Variants in DLG2 observed in about 807,000 individuals in gnomAD.
DLG2 encodes discs large MAGUK scaffold protein 2, also known as disks large homolog 2.
A neutral mutation model predicts 132.5 loss-of-function variants in DLG2; 45 were observed. The observed-to-expected ratio is 0.34, with a 90% CI of 0.27 to 0.44. The LOEUF (loss-of-function observed/expected upper bound fraction) is 0.44. Among genes scored for constraint, DLG2 ranks in the 20% least tolerant of loss-of-function variants. The pLI, the probability that DLG2 is intolerant of heterozygous loss-of-function variation, is 1.00. For missense variants in DLG2, 1,045 were observed against 1,196.9 expected (o/e 0.87, Z 1.87); for synonymous variants, 424 against 419.6 (o/e 1.01, Z -0.13).
intron 4 of DLG2, among the ~76,000 whole-genome samples, chr11:85,208,772 C>A (rs1224836751): frequency 6.6e-6 from 1 of 152,050 alleles, no homozygotes; most frequent in East Asian, 1.9e-4. Flanking sequence ...CCAGGGAGTC[C>A]TTAGTAAGAG....
chr11:85,360,565 C>G (rs1183638187), intron 3 of DLG2, among the ~76,000 whole-genome samples: 1 of 152,178 alleles, frequency 6.6e-6, no homozygotes, highest in Admixed American at 6.5e-5. Context: ...CACCTCTTCA[C>G]TGGAGAATGC....
intron 6 of DLG2, among the ~76,000 whole-genome samples, chr11:84,921,459 T>C (rs761535778): frequency 2.6e-5 from 4 of 152,180 alleles, no homozygotes; most frequent in South Asian, 2.1e-4. Flanking sequence ...AGTTAAGATA[T>C]TGTTAGTGAA....
At chr11:84,981,925 G>T (rs570155754) in intron 6 of DLG2, among the ~76,000 whole-genome samples, 2 of 152,184 alleles carry the variant, frequency 1.3e-5, no homozygotes, top group African/African-American at 2.4e-5. Context: ...CCAATGAAAG[G>T]TTTAGTCCTC....
intron 7 of DLG2, among the ~76,000 whole-genome samples, chr11:84,516,569 A>G (rs960634381): frequency 5.3e-5 from 8 of 151,560 alleles, no homozygotes; most frequent in Admixed American, 1.3e-4. Context: ...GAATCAGTAT[A>G]AAGTCTTCCA....
chr11:85,015,753 T>A (rs2059522522), intron 6 of DLG2, among the ~76,000 whole-genome samples: 1 of 152,186 alleles, frequency 6.6e-6, no homozygotes, highest in South Asian at 2.1e-4. Context: ...TAGCTATTTA[T>A]CTTCTGTGTC....
intron 6 of DLG2, among the ~76,000 whole-genome samples, chr11:84,856,813 C>T (rs931265065): frequency 6.6e-6 from 1 of 151,930 alleles, no homozygotes; most frequent in Non-Finnish European, 1.5e-5. Flanking sequence ...CTCTTTCTGC[C>T]TCTTCTCTAT....
chr11:85,391,599 G>T (rs1382396286), intron 3 of DLG2, among the ~76,000 whole-genome samples: 1 of 152,086 alleles, frequency 6.6e-6, no homozygotes, highest in Non-Finnish European at 1.5e-5. Context: ...ATGATCAAGT[G>T]GATTTCATAC....
chr11:83,760,737 T>A (rs1222145339), intron 18 of DLG2, among the ~76,000 whole-genome samples: 3 of 152,084 alleles, frequency 2.0e-5, no homozygotes. Flanking sequence ...TCCAAATAGA[T>A]CAGTCACAAA....
chr11:85,507,715 G>A (rs1056425044), intron 3 of DLG2, among the ~76,000 whole-genome samples: 1 of 152,064 alleles, frequency 6.6e-6, no homozygotes, highest in Non-Finnish European at 1.5e-5. Flanking sequence ...GAGTATCTTT[G>A]TGGTGTTCTC....
At chr11:84,706,996 T>C (rs1427442943) in intron 6 of DLG2, among the ~76,000 whole-genome samples, 3 of 151,814 alleles carry the variant, frequency 2.0e-5, no homozygotes, top group Non-Finnish European at 4.4e-5. Context: ...TTATTCAAAA[T>C]TGCAGAACAC....
intron 10 of DLG2, among the ~76,000 whole-genome samples, chr11:84,079,850 A>G (rs2096879187): frequency 6.6e-6 from 1 of 151,832 alleles, no homozygotes; most frequent in African/African-American, 2.4e-5. Flanking sequence ...CACCTTCCCT[A>G]TTCCTCCTCA....
At chr11:84,087,435 G>T (rs531086264) in intron 10 of DLG2, among the ~76,000 whole-genome samples, 4 of 152,208 alleles carry the variant, frequency 2.6e-5, no homozygotes, top group South Asian at 2.1e-4. Flanking sequence ...GTGCTCATTG[G>T]CCATTTGCAT....
intron 8 of DLG2, among the ~76,000 whole-genome samples, chr11:84,202,642 T>G (rs2096611593): frequency 6.6e-6 from 1 of 152,110 alleles, no homozygotes; most frequent in African/African-American, 2.4e-5. Flanking sequence ...CTAAAGACCT[T>G]CTGCACAGCA....
chr11:85,363,736 A>C lies in DLG2; in HGVS notation c.41-78371T>G, dbSNP rs184225064. Among the ~76,000 whole-genome samples, 8 of 152,312 alleles carry C rather than the reference A, an allele frequency of 5.3e-5. No homozygotes were observed. In the East Asian group the frequency reaches 1.5e-3, roughly 29 times the overall value. ...TGCTAGGATCTAGTCATTTGGAAAA[A>C]ATTTTAAGTGCTTTGGCATTTTAAT... is the stretch of plus-strand genomic sequence containing the variant. On this transcript the variant is annotated intron_variant, in intron 3 of 27. Transcript: ENST00000376104.
chr11:83,773,818 G>T (rs1189341480), intron 18 of DLG2, among the ~76,000 whole-genome samples: 1 of 152,178 alleles, frequency 6.6e-6, no homozygotes, highest in East Asian at 1.9e-4. Context: ...CTTCGGACAC[G>T]GCTGTGAGCA....
intron 6 of DLG2, among the ~76,000 whole-genome samples, chr11:84,873,606 T>C (rs915582849): frequency 6.6e-6 from 1 of 152,204 alleles, no homozygotes; most frequent in Non-Finnish European, 1.5e-5. Context: ...CAATTCTACA[T>C]GAGAGAACAA....
At chr11:84,475,360 C>T (rs907430196) in intron 7 of DLG2, among the ~76,000 whole-genome samples, 39 of 151,968 alleles carry the variant, frequency 2.6e-4, no homozygotes, top group Admixed American at 9.2e-4. Flanking sequence ...GTCAAATAGA[C>T]GTAGTTTAGA....
At chr11:85,361,861 G>C (rs554541219) in intron 3 of DLG2, among the ~76,000 whole-genome samples, 1 of 152,044 alleles carries the variant, frequency 6.6e-6, no homozygotes, top group Non-Finnish European at 1.5e-5. Context: ...AATTTGATAG[G>C]GATTGTGTTG....
chr11:84,662,841 G>A (rs1010584645), intron 6 of DLG2, among the ~76,000 whole-genome samples: 1 of 145,416 alleles, frequency 6.9e-6, no homozygotes, highest in East Asian at 2.1e-4. Flanking sequence ...GTCCTGATTA[G>A]ATCCTTCCAG....
Sources: gnomAD v4.1 joint callset for allele counts (sites outside exome capture counted in the v4.1 genomes callset) on GRCh38, gnomAD v4.1.1 for gene constraint, MANE v1.5 for transcripts, NCBI Gene and HGNC (gene_info 2026-07-23, HGNC 2026-07-21) for gene names.